Variants in ATG4C observed in about 807,000 individuals in gnomAD.
ATG4C encodes the protein autophagy related 4C cysteine peptidase.
ATG4C carries 56 observed loss-of-function variants against 57.6 expected under a neutral mutation model. The ratio of observed to expected loss-of-function variants is 0.97; its 90% CI spans 0.78 to 1.21. The LOEUF is 1.21. Ranked by LOEUF, ATG4C falls within the 50% of genes most tolerant of loss-of-function variation. ATG4C has a pLI of 0.00. For missense variants in ATG4C, 595 were observed against 529.8 expected, an observed-to-expected ratio of 1.12 and a Z score of -1.21; for synonymous variants, 157 against 174.1, an observed-to-expected ratio of 0.90 and a Z score of 0.78.
chr1:62,808,778 G>A (rs78006569), intron 3 of ATG4C, among the ~76,000 whole-genome samples: 150 of 152,202 alleles, frequency 9.9e-4, no homozygotes, highest in African/African-American at 3.0e-3. Flanking sequence ...AGAGTGGTAC[G>A]AATAGAAAGT....
At chr1:62,858,741 T>TAA (rs1286770188) in intron 10 of ATG4C, among the ~76,000 whole-genome samples, 1 of 152,190 alleles carries the variant, frequency 6.6e-6, no homozygotes, top group African/African-American at 2.4e-5. Context: ...ATAACAGGCC[T>TAA]TTTTATTTGA....
At chr1:62,844,194 A>G (rs11208045) in intron 10 of ATG4C, among the ~76,000 whole-genome samples, 69,226 of 151,982 alleles carry the variant, frequency 0.46, 15,902 homozygotes, top group East Asian at 0.67. Context: ...GTGGCCTGGG[A>G]GTCTCCATTT....
At chr1:62,847,160 G>A (rs954075903) in intron 10 of ATG4C, among the ~76,000 whole-genome samples, 1 of 152,188 alleles carries the variant, frequency 6.6e-6, no homozygotes, top group African/African-American at 2.4e-5. Flanking sequence ...CTGGGCGAGA[G>A]AACGAGACTT....
chr1:62,837,967 G>A (rs976429573), intron 9 of ATG4C, among the ~76,000 whole-genome samples: 1 of 152,062 alleles, frequency 6.6e-6, no homozygotes, highest in African/African-American at 2.4e-5. Context: ...ATTATCAGTA[G>A]GTACTTTTTA....
intron 9 of ATG4C, 62 bp downstream of exon 9, chr1:62,834,914 G>A: frequency 7.4e-7 from 1 of 1,358,450 alleles, no homozygotes; most frequent in South Asian, 1.2e-5. Flanking sequence ...ATTATTTAGA[G>A]ATGTGCTAGG....
intron 6 of ATG4C, 53 bp downstream of exon 6, chr1:62,821,262 A>G: frequency 2.4e-6 from 3 of 1,260,264 alleles, no homozygotes; most frequent in Non-Finnish European, 3.3e-6. Flanking sequence ...TACTTTTTAT[A>G]TGTGTTTAGC....
chr1:62,787,277 G>C (rs1417196367), intron 1 of ATG4C, among the ~76,000 whole-genome samples: 1 of 152,066 alleles, frequency 6.6e-6, no homozygotes, highest in Non-Finnish European at 1.5e-5. Context: ...TGATTGAGCA[G>C]GGGTGGGGTT....
intron 10 of ATG4C, among the ~76,000 whole-genome samples, chr1:62,862,821 T>C (rs1056164535): frequency 1.3e-5 from 2 of 152,084 alleles, no homozygotes; most frequent in African/African-American, 4.8e-5. Flanking sequence ...AAATGTAATA[T>C]GTAAGAAATT....
intron 3 of ATG4C, among the ~76,000 whole-genome samples, chr1:62,811,543 GA>G (rs1665084404): frequency 6.6e-6 from 1 of 152,040 alleles, no homozygotes; most frequent in African/African-American, 2.4e-5. Context: ...AAACAATTAA[GA>G]ATTTATTTTA....
rs1166547774 is a variant in ATG4C at position 62,864,864 on chromosome 1, ATAG to A, written c.*713_*715del. 2 of 151,910 alleles carry A rather than the reference ATAG, an allele frequency of 1.3e-5. No homozygotes were observed. Among genetic ancestry groups the A allele is most frequent in the African/African-American group, 4.8e-5 (2 of 41,432 alleles). The allele number at this position is 151,910 out of a possible 1,614,324, so 9.4% of individuals were successfully genotyped here. On this transcript the variant is annotated 3_prime_UTR_variant, in exon 11 of 11. Transcript: ENST00000317868. ...CAAGTCAGATAAAGGCAACTATAAAATAGTAGTAGTGTTTGTTTCCTATCTCAA... is the reference window on the plus strand; with the variant it reads ...CAAGTCAGATAAAGGCAACTATAAAATAGTAGTGTTTGTTTCCTATCTCAA...
chr1:62,815,346 C>G (rs913287820), intron 3 of ATG4C, among the ~76,000 whole-genome samples: 2 of 152,072 alleles, frequency 1.3e-5, no homozygotes, highest in Non-Finnish European at 2.9e-5. Flanking sequence ...AGTCTGCCTT[C>G]AAGTGATATA....
intron 5 of ATG4C, among the ~76,000 whole-genome samples, chr1:62,820,571 A>C (rs751509372): frequency 2.0e-5 from 3 of 152,124 alleles, no homozygotes; most frequent in Non-Finnish European, 2.9e-5. Context: ...GATTTTTTTC[A>C]CATCATGTAC....
At chr1:62,821,039 A>G (rs1452449956) in intron 5 of ATG4C, 100 bp from the exon 6 acceptor site, 9 of 822,348 alleles carry the variant, frequency 1.1e-5, no homozygotes, top group South Asian at 2.1e-5. Context: ...TAAATAGGAA[A>G]GTCACAAAAC....
chr1:62,798,339 A>G (rs1664541771), intron 1 of ATG4C, among the ~76,000 whole-genome samples: 1 of 152,052 alleles, frequency 6.6e-6, no homozygotes. Flanking sequence ...TTGTGTAGTT[A>G]TTTTTCATAT....
intron 1 of ATG4C, among the ~76,000 whole-genome samples, chr1:62,791,178 T>TA (rs1456707579): frequency 2.0e-5 from 3 of 152,214 alleles, no homozygotes; most frequent in Non-Finnish European, 2.9e-5. Context: ...TATGGTTAGT[T>TA]ATAACCATTT....
At chr1:62,788,457 ACAC>A (rs891243093) in intron 1 of ATG4C, among the ~76,000 whole-genome samples, 8 of 146,222 alleles carry the variant, frequency 5.5e-5, no homozygotes, top group Non-Finnish European at 1.1e-4. Context: ...ACACACACAC[ACAC>A]CTTTTTTTCT....
intron 1 of ATG4C, among the ~76,000 whole-genome samples, chr1:62,786,825 T>G (rs1664100873): frequency 6.6e-6 from 1 of 152,116 alleles, no homozygotes; most frequent in Non-Finnish European, 1.5e-5. Flanking sequence ...AAGGACTTGA[T>G]GTTACACAGA....
chr1:62,849,489 A>G (rs1666434867), intron 10 of ATG4C, among the ~76,000 whole-genome samples: 1 of 151,790 alleles, frequency 6.6e-6, no homozygotes, highest in Non-Finnish European at 1.5e-5. Flanking sequence ...GATGCTTTCC[A>G]ACAGTTTTTT....
intron 10 of ATG4C, among the ~76,000 whole-genome samples, chr1:62,859,250 T>C (rs1393221980): frequency 6.6e-6 from 1 of 152,162 alleles, no homozygotes; most frequent in Non-Finnish European, 1.5e-5. Context: ...TAAGTATATA[T>C]AATGCAAATA....
Sources: gnomAD v4.1 joint callset for allele counts (sites outside exome capture counted in the v4.1 genomes callset) on GRCh38, gnomAD v4.1.1 for gene constraint, MANE v1.5 for transcripts, NCBI Gene and HGNC (gene_info 2026-07-23, HGNC 2026-07-21) for gene names.